The following FNBP1 variants were observed in gnomAD, a reference collection of about 807,000 sequenced individuals.
FNBP1 encodes formin-binding protein 1.
A neutral mutation model predicts 90.6 loss-of-function variants in FNBP1; 26 were observed. That is an observed-to-expected ratio of 0.29 (90% CI 0.21 to 0.40). The LOEUF (loss-of-function observed/expected upper bound fraction) is 0.40, where lower values mean the gene tolerates loss of function less well. Among genes scored for constraint, FNBP1 ranks in the 10% least tolerant of loss-of-function variants. The pLI is 1.00. For synonymous variants in FNBP1, 260 were observed against 265.2 expected (o/e 0.98, Z 0.19); for missense variants, 635 against 768.0 (o/e 0.83, Z 2.05).
At chr9:129,944,270 C>A (rs562679567) in intron 6 of FNBP1, among the ~76,000 whole-genome samples, 1 of 151,674 alleles carries the variant, frequency 6.6e-6, no homozygotes, top group African/African-American at 2.4e-5. Context: ...TGGCCGGGTG[C>A]GGTAGCTCAT....
At chr9:129,912,647 T>A (rs7025726) in intron 11 of FNBP1, among the ~76,000 whole-genome samples, 1 of 149,440 alleles carries the variant, frequency 6.7e-6, no homozygotes, top group African/African-American at 2.5e-5. Context: ...GAGATTGCGC[T>A]ACTGCGCACT....
intron 2 of FNBP1, among the ~76,000 whole-genome samples, chr9:129,989,453 T>C (rs2052781762): frequency 6.6e-6 from 1 of 152,168 alleles, no homozygotes; most frequent in Non-Finnish European, 1.5e-5. Flanking sequence ...ATCTTAGGCC[T>C]GTACCCTACC....
chr9:129,971,757 A>G (rs562283536), intron 4 of FNBP1, among the ~76,000 whole-genome samples: 1 of 152,372 alleles, frequency 6.6e-6, no homozygotes, highest in South Asian at 2.1e-4. Context: ...AATGCCGTAC[A>G]ACAAAAAGGA....
chr9:130,039,485 G>A (rs867112119), intron 1 of FNBP1, among the ~76,000 whole-genome samples: 4 of 152,004 alleles, frequency 2.6e-5, no homozygotes, highest in Non-Finnish European at 5.9e-5. Flanking sequence ...GACCAGCCTG[G>A]CCAACATGGT....
chr9:129,948,199 C>T (rs922717861), intron 6 of FNBP1, among the ~76,000 whole-genome samples: 1 of 151,792 alleles, frequency 6.6e-6, no homozygotes, highest in East Asian at 1.9e-4. Context: ...CTTGAATCCA[C>T]GAGGTTGAGG....
chr9:129,922,265 AACTGGTATCT>A (rs1284957922), intron 10 of FNBP1, among the ~76,000 whole-genome samples: 2 of 152,222 alleles, frequency 1.3e-5, no homozygotes, highest in Non-Finnish European at 1.5e-5. Flanking sequence ...CTGTAAACGA[AACTGGTATCT>A]ACATTGGATG....
At chr9:130,010,764 C>CTTTT (rs111591184) in intron 1 of FNBP1, among the ~76,000 whole-genome samples, 11 of 140,572 alleles carry the variant, frequency 7.8e-5, no homozygotes, top group South Asian at 2.2e-4. Context: ...TTCTTTGGGT[C>CTTTT]TTTTTTTTTT....
chr9:130,024,918 G>A (rs892000057), intron 1 of FNBP1, among the ~76,000 whole-genome samples: 6 of 152,240 alleles, frequency 3.9e-5, no homozygotes, highest in Admixed American at 2.0e-4. Context: ...GGCGGCTCAC[G>A]CTTGTAATCC....
intron 8 of FNBP1, among the ~76,000 whole-genome samples, chr9:129,926,685 G>A (rs1031283328): frequency 6.6e-6 from 1 of 151,922 alleles, no homozygotes; most frequent in African/African-American, 2.4e-5. Flanking sequence ...TCAGGAGTTC[G>A]AGACCAGCCT....
intron 2 of FNBP1, among the ~76,000 whole-genome samples, chr9:129,990,333 T>C (rs1332257301): frequency 6.6e-6 from 1 of 152,166 alleles, no homozygotes; most frequent in African/African-American, 2.4e-5. Context: ...GCAGGCTAAG[T>C]GGGCTAAGGG....
chr9:130,028,084 A>G (rs111992523), intron 1 of FNBP1, among the ~76,000 whole-genome samples: 73 of 152,238 alleles, frequency 4.8e-4, no homozygotes, highest in African/African-American at 1.7e-3. Context: ...CACTTTAACC[A>G]TACTCTATTG....
rs1564429756 is a variant in FNBP1 at position 129,957,566 on chromosome 9, T to C, written c.409-102A>G. 1.0e-6 allele frequency: 1 copy of C among 965,984 alleles called. No homozygotes were observed. The highest frequency in any genetic ancestry group is 1.5e-6 in the Non-Finnish European group (1 of 653,090). The allele number at this position is 965,984 out of a possible 1,614,324, so 59.8% of individuals were successfully genotyped here. ...AGCATTGTTCTTTTTCTTTTTTTTT[T>C]CTTCAGTCAGGGTCTCACTTTGTCA... On this transcript the variant is annotated intron_variant, in intron 5 of 16. Transcript: ENST00000446176. The surrounding 1 kb of genome is among the most constrained non-coding windows in gnomAD (Gnocchi z 4.3).
At chr9:129,958,011 T>C (rs1430328778) in intron 5 of FNBP1, among the ~76,000 whole-genome samples, 1 of 152,244 alleles carries the variant, frequency 6.6e-6, no homozygotes, top group African/African-American at 2.4e-5. Context: ...CAACTTTAGA[T>C]AATGGTTCTA....
At chr9:129,914,071 G>A (rs1161357244) in intron 11 of FNBP1, among the ~76,000 whole-genome samples, 1 of 151,544 alleles carries the variant, frequency 6.6e-6, no homozygotes, top group African/African-American at 2.4e-5. Flanking sequence ...GCTCAGGCTG[G>A]TCTAGAACTC....
chr9:129,935,777 G>A (rs1486324341), intron 6 of FNBP1, among the ~76,000 whole-genome samples: 2 of 152,126 alleles, frequency 1.3e-5, no homozygotes, highest in African/African-American at 2.4e-5. Flanking sequence ...ATGAGCCACC[G>A]CGCCCAGCCC....
chr9:129,949,988 A>T (rs1000689832), intron 6 of FNBP1, among the ~76,000 whole-genome samples: 5 of 152,196 alleles, frequency 3.3e-5, no homozygotes, highest in Admixed American at 3.3e-4. Flanking sequence ...CTAGAAAAAA[A>T]GGAGGATGCG....
At chr9:129,908,480 C>T (rs1401178621) in intron 12 of FNBP1, among the ~76,000 whole-genome samples, 3 of 151,404 alleles carry the variant, frequency 2.0e-5, no homozygotes, top group South Asian at 2.1e-4. Context: ...GCTGGGATTA[C>T]AGGTGTGAAC....
intron 16 of FNBP1, among the ~76,000 whole-genome samples, chr9:129,893,785 A>G (rs1234899960): frequency 9.2e-5 from 14 of 151,576 alleles, no homozygotes; most frequent in East Asian, 5.8e-4. Flanking sequence ...GCATGGTGGC[A>G]CACGCCTGTA....
At chr9:130,001,802 T>A (rs2054893530) in intron 1 of FNBP1, among the ~76,000 whole-genome samples, 1 of 151,902 alleles carries the variant, frequency 6.6e-6, no homozygotes, top group Admixed American at 6.6e-5. Context: ...GGCAGGCAGA[T>A]CACCTGAGGT....
Sources: allele counts gnomAD v4.1 joint callset (sites outside exome capture counted in the v4.1 genomes callset), GRCh38; gene constraint gnomAD v4.1.1; non-coding constraint Gnocchi (gnomAD v3.1); transcripts MANE v1.5; gene names NCBI Gene and HGNC (gene_info 2026-07-23, HGNC 2026-07-21).